ANO4: variants seen among roughly 807,000 people sequenced by gnomAD.
The protein encoded by ANO4 is anoctamin 4, also known as anoctamin-4.
In ANO4, 69 loss-of-function variants were observed where a neutral mutation model predicts 141.9. The observed-to-expected ratio is 0.49, with a 90% CI of 0.40 to 0.59. The LOEUF is 0.59. ANO4 is among the 20% of genes least tolerant of loss of function. The pLI, the probability that ANO4 is intolerant of heterozygous loss-of-function variation, is 0.00. For missense variants in ANO4, 894 were observed against 1,162.2 expected, an observed-to-expected ratio of 0.77 and a Z score of 3.36; for synonymous variants, 350 against 394.3, an observed-to-expected ratio of 0.89 and a Z score of 1.33.
At chr12:101,012,732 A>G (rs538002039) in intron 8 of ANO4, among the ~76,000 whole-genome samples, 1 of 152,186 alleles carries the variant, frequency 6.6e-6, no homozygotes, top group Admixed American at 6.5e-5. Flanking sequence ...TGTGTAGAGG[A>G]TGGACAAAAG....
chr12:100,969,644 A>G (rs929066941), intron 5 of ANO4, among the ~76,000 whole-genome samples: 1 of 152,222 alleles, frequency 6.6e-6, no homozygotes, highest in Non-Finnish European at 1.5e-5. Flanking sequence ...TACCCCAGCT[A>G]GAGGAAAAAG....
intron 1 of ANO4, among the ~76,000 whole-genome samples, chr12:100,853,843 A>G (rs1383654801): frequency 6.6e-6 from 1 of 152,094 alleles, no homozygotes; most frequent in Non-Finnish European, 1.5e-5. Flanking sequence ...CCATTCTTAC[A>G]TATAATATTA....
At chr12:100,893,540 G>A (rs1343899260) in intron 1 of ANO4, among the ~76,000 whole-genome samples, 4 of 152,078 alleles carry the variant, frequency 2.6e-5, no homozygotes, top group African/African-American at 9.7e-5. Flanking sequence ...GTCGGGACAT[G>A]TGCTTTTTAT....
At chr12:100,834,283 G>A (rs2036787013) in intron 1 of ANO4, among the ~76,000 whole-genome samples, 2 of 152,104 alleles carry the variant, frequency 1.3e-5, no homozygotes, top group Admixed American at 6.6e-5. Flanking sequence ...CTGCCCTTTC[G>A]ACTGCCCTAG....
rs749282774 is a variant in ANO4 at position 101,127,093 on chromosome 12, C to T, written c.*4+19C>T. 8.1e-6 allele frequency: 13 copies of T among 1,602,184 alleles called. No individual in the cohort carries two copies. Among genetic ancestry groups the T allele is most frequent in the Admixed American group, 1.7e-5 (1 of 58,294 alleles). On this transcript the variant is annotated intron_variant, in intron 27 of 27. Transcript: ENST00000392977. ...TGACCATGTAGGTGAGAGGTGTGCT[C>T]AGCGTCTGAGGCCATTCCGAGGTTG...
At chr12:101,125,658 CTGCTTATGTGATGAATTACTTA>C (rs1188848213) in intron 26 of ANO4, among the ~76,000 whole-genome samples, 1 of 152,142 alleles carries the variant, frequency 6.6e-6, no homozygotes, top group African/African-American at 2.4e-5. Context: ...GTCTTTAGTT[CTGCTTATGTGATGAATTACTTA>C]TGCTTATGTG....
At chr12:100,954,875 G>A (rs756966766) in intron 5 of ANO4, among the ~76,000 whole-genome samples, 1 of 152,094 alleles carries the variant, frequency 6.6e-6, no homozygotes, top group African/African-American at 2.4e-5. Context: ...GAATTCACTG[G>A]GACCCAATAT....
rs372947802 is a variant in ANO4, at chr12:100,866,033, G to A, written c.-140-35613G>A. The stretch of plus-strand genomic sequence containing the variant: ...TGCCTTTCATTGGCAGAAGCCACAC[G>A]GCAGGGGAGCCCATTGACAGAGTCC... On this transcript the variant is annotated intron_variant, in intron 1 of 27. Transcript: ENST00000392977. Among the ~76,000 whole-genome samples, 8 of 152,168 alleles carry A rather than the reference G, an allele frequency of 5.3e-5. No homozygotes were observed. The East Asian group carries it at 5.8e-4, about 11-fold the overall frequency.
chr12:100,985,554 G>A (rs2044671913), intron 7 of ANO4, among the ~76,000 whole-genome samples: 1 of 152,132 alleles, frequency 6.6e-6, no homozygotes, highest in Non-Finnish European at 1.5e-5. Context: ...TTGAATCTAG[G>A]CATTCCAGCC....
chr12:101,068,660 A>T lies in ANO4; in HGVS notation c.1313-10533A>T. 3 of 1,308,002 alleles carry T rather than the reference A, an allele frequency of 2.3e-6. No homozygotes were observed. The East Asian group carries it at 7.0e-5, about 30-fold the overall frequency. 81.0% of individuals were successfully genotyped at this position (1,308,002 alleles called of 1,614,324 possible). A position where few individuals can be genotyped will look rare whatever the true frequency, so the allele number is the denominator to read the frequency against. ...GATGACTTCTTTGAGCAAGAGAATG[A>T]CTTCCTTATTAACTATTAGAGTAGG... is the stretch of plus-strand genomic sequence containing the variant. On this transcript the variant is annotated intron_variant, in intron 14 of 27. Coordinates refer to ENST00000392977, the MANE Select transcript of ANO4 (RefSeq NM_001286615.2).
At chr12:100,876,233 C>T (rs1421411396) in intron 1 of ANO4, among the ~76,000 whole-genome samples, 1 of 135,320 alleles carries the variant, frequency 7.4e-6, no homozygotes, top group African/African-American at 2.9e-5. Flanking sequence ...AAAAGAAAAC[C>T]TTTTGAGAAG....
chr12:101,032,527 G>A (rs2047015408), intron 9 of ANO4, among the ~76,000 whole-genome samples: 1 of 152,158 alleles, frequency 6.6e-6, no homozygotes, highest in Non-Finnish European at 1.5e-5. Context: ...AGAGTGAACA[G>A]GCAACCCACA....
intron 1 of ANO4, among the ~76,000 whole-genome samples, chr12:100,807,632 G>C (rs978012197): frequency 6.6e-6 from 1 of 152,090 alleles, no homozygotes; most frequent in Admixed American, 6.6e-5. Flanking sequence ...CGTGTGCCAG[G>C]GTGGTTTGTG....
intron 8 of ANO4, among the ~76,000 whole-genome samples, chr12:100,999,389 T>C (rs142941701): frequency 1.4e-3 from 209 of 152,374 alleles, no homozygotes; most frequent in African/African-American, 4.7e-3. Context: ...CACATCTTTT[T>C]CTTCTCTGAC....
At chr12:100,924,106 G>A (rs2041761230) in intron 3 of ANO4, among the ~76,000 whole-genome samples, 1 of 152,080 alleles carries the variant, frequency 6.6e-6, no homozygotes. Context: ...CACTCTGATG[G>A]TAGTTTCTTT....
chr12:101,089,973 T>C (rs557734760), intron 17 of ANO4, among the ~76,000 whole-genome samples: 2 of 152,342 alleles, frequency 1.3e-5, no homozygotes, highest in Admixed American at 6.5e-5. Flanking sequence ...AAGACATTTA[T>C]GCAGCCAACA....
intron 26 of ANO4, among the ~76,000 whole-genome samples, chr12:101,121,753 CTTTTTTTTTTTTTTT>C (rs71091478): frequency 9.1e-6 from 1 of 110,452 alleles, no homozygotes; most frequent in Non-Finnish European, 1.7e-5. Context: ...AATTTGTTTA[CTTTTTTTTTTTTTTT>C]TTTTTTTTTT....
chr12:101,120,720 TTATC>T (rs1566277504), intron 26 of ANO4, 95 bp downstream of exon 26: 2 of 943,924 alleles, frequency 2.1e-6, no homozygotes, highest in East Asian at 5.1e-5. Flanking sequence ...TTGAATGTGA[TTATC>T]TATATTTCCA....
intron 3 of ANO4, among the ~76,000 whole-genome samples, chr12:100,755,891 C>G (rs1253461320): frequency 6.6e-6 from 1 of 152,200 alleles, no homozygotes; most frequent in East Asian, 1.9e-4. Context: ...GGGAATGTGA[C>G]AGAGGACGAG....
Sources: gnomAD v4.1 joint callset for allele counts (sites outside exome capture counted in the v4.1 genomes callset) on GRCh38, gnomAD v4.1.1 for gene constraint, MANE v1.5 for transcripts, NCBI Gene and HGNC (gene_info 2026-07-23, HGNC 2026-07-21) for gene names.